Variants in SHISAL1 observed in about 807,000 individuals in gnomAD.
SHISAL1 encodes the protein protein shisa-like-1.
A neutral mutation model predicts 22.6 loss-of-function variants in SHISAL1; 9 were observed. The ratio of observed to expected loss-of-function variants is 0.40; its 90% confidence interval spans 0.24 to 0.70. The LOEUF is 0.70. Among genes scored for constraint, SHISAL1 ranks in the 30% least tolerant of loss-of-function variants. The probability of loss-of-function intolerance (pLI) is 0.39; values close to 1 mark genes in which losing one functional copy is unlikely to be tolerated. For synonymous variants in SHISAL1, 119 were observed against 115.4 expected, an observed-to-expected ratio of 1.03 and a Z score of -0.20; for missense variants, 246 against 270.6, an observed-to-expected ratio of 0.91 and a Z score of 0.64.
At chr22:44,316,747 G>A (rs1458123582), upstream of SHISAL1, among the ~76,000 whole-genome samples, 1 of 152,168 alleles carries the variant, frequency 6.6e-6, no homozygotes, top group Admixed American at 6.5e-5. Context: ...CAGAGGCTGC[G>A]CGCTAACCCA....
chr22:44,319,869 G>C, the SHISAL1 span, among the ~76,000 whole-genome samples: 1 of 152,192 alleles, frequency 6.6e-6, no homozygotes, highest in African/African-American at 2.4e-5. Context: ...TCGTCAGTGT[G>C]GGAGGCCCCT....
chr22:44,285,817 G>C, intron 3 of SHISAL1, 72 bp from the exon 4 acceptor site: 4 of 1,257,234 alleles, frequency 3.2e-6, no homozygotes, highest in Non-Finnish European at 4.6e-6. Context: ...CATCAGTGGG[G>C]CTGATTAGAG....
intron 3 of SHISAL1, among the ~76,000 whole-genome samples, chr22:44,288,325 C>G (rs920817037): frequency 6.6e-6 from 1 of 152,150 alleles, no homozygotes; most frequent in Non-Finnish European, 1.5e-5. Flanking sequence ...TGCGGCCACC[C>G]GGGTTCTCAG....
intron 3 of SHISAL1, among the ~76,000 whole-genome samples, chr22:44,286,776 T>C (rs563171915): frequency 6.6e-6 from 1 of 152,306 alleles, no homozygotes; most frequent in East Asian, 1.9e-4. Context: ...CCAGAGTGGA[T>C]GGTGTCCAGG....
chr22:44,293,117 T>C (rs2055364135), intron 3 of SHISAL1, among the ~76,000 whole-genome samples: 1 of 152,158 alleles, frequency 6.6e-6, no homozygotes, highest in African/African-American at 2.4e-5. Context: ...TGCCCAAAAG[T>C]GCTCTTTCCT....
In SHISAL1 at chr22:44,247,261, C is replaced by CTGAGGTAACAG. The variant is rs2055009137; in HGVS notation, c.*2413_*2423dup. On this transcript the variant is annotated 3_prime_UTR_variant, in exon 5 of 5. Coordinates refer to ENST00000381176, the MANE Select transcript of SHISAL1 (RefSeq NM_001099294.2). ...CTCCTTCCTCTTACCGATGGGGAAA[C>CTGAGGTAACAG]TGAGGTAACAGACCTTGCCTGAGGT... 6.6e-6 allele frequency: 1 copy of CTGAGGTAACAG among 152,242 alleles called. No individual in the cohort carries two copies. The allele number at this position is 152,242 out of a possible 1,614,324, so 9.4% of individuals were successfully genotyped here.
At chr22:44,253,694 G>A (rs868398279) in intron 4 of SHISAL1, among the ~76,000 whole-genome samples, 7 of 150,744 alleles carry the variant, frequency 4.6e-5, no homozygotes, top group Non-Finnish European at 8.8e-5. Flanking sequence ...TGCCCACCTC[G>A]GCCTCCCAAA....
rs188665337 is a variant in SHISAL1 at position 44,306,207 on chromosome 22, C to T, written c.-32-5230G>A. Among the ~76,000 whole-genome samples the T allele has an allele frequency of 1.4e-4, 22 of 152,342 alleles. No individual in the cohort carries two copies. The East Asian group carries it at 2.9e-3, about 20-fold the overall frequency. On this transcript the variant is annotated intron_variant, in intron 1 of 4. Coordinates refer to ENST00000381176, the MANE Select transcript of SHISAL1 (RefSeq NM_001099294.2). ...GCACTGATGTTCACAAGGCCAAAGTCATCACCTTGGGTCCCTCCGTGGGAT... is the reference window on the plus strand; with the variant it reads ...GCACTGATGTTCACAAGGCCAAAGTTATCACCTTGGGTCCCTCCGTGGGAT...
intron 4 of SHISAL1, among the ~76,000 whole-genome samples, chr22:44,252,925 G>A (rs2055058467): frequency 6.6e-6 from 1 of 152,082 alleles, no homozygotes; most frequent in Middle Eastern, 3.4e-3. Flanking sequence ...AACCCCGGGA[G>A]GCAGAGGTTG....
chr22:44,323,787 C>G, the SHISAL1 span, among the ~76,000 whole-genome samples: 1 of 152,268 alleles, frequency 6.6e-6, no homozygotes, highest in Non-Finnish European at 1.5e-5. Flanking sequence ...CTCCACCCTT[C>G]CAGGATAGAG....
At chr22:44,287,770 C>G (rs1224748324) in intron 3 of SHISAL1, among the ~76,000 whole-genome samples, 1 of 152,146 alleles carries the variant, frequency 6.6e-6, no homozygotes, top group East Asian at 1.9e-4. Context: ...GGGCAGGTGT[C>G]CCCGGGGTAG....
At chr22:44,254,545 A>C (rs924659546) in intron 4 of SHISAL1, among the ~76,000 whole-genome samples, 1 of 152,134 alleles carries the variant, frequency 6.6e-6, no homozygotes, top group Non-Finnish European at 1.5e-5. Flanking sequence ...AAATTTTTGC[A>C]GGGATGGGGT....
At chr22:44,255,887 G>A (rs2055080932) in intron 4 of SHISAL1, among the ~76,000 whole-genome samples, 2 of 152,146 alleles carry the variant, frequency 1.3e-5, no homozygotes, top group South Asian at 4.1e-4. Flanking sequence ...CTGATATTTG[G>A]TGAGACATTT....
the SHISAL1 span, among the ~76,000 whole-genome samples, chr22:44,318,887 T>G: frequency 2.6e-5 from 4 of 152,164 alleles, no homozygotes; most frequent in African/African-American, 4.8e-5. Flanking sequence ...GTGGCAGACT[T>G]GGGACTGGCA....
At chr22:44,280,039 G>A (rs2055265393) in intron 4 of SHISAL1, among the ~76,000 whole-genome samples, 4 of 152,124 alleles carry the variant, frequency 2.6e-5, no homozygotes, top group Non-Finnish European at 5.9e-5. Flanking sequence ...GGGAGGGCTG[G>A]GGCTAGGCAG....
chr22:44,268,000 G>C (rs112284536), intron 4 of SHISAL1, among the ~76,000 whole-genome samples: 5,436 of 152,314 alleles, frequency 0.036, 302 homozygotes, highest in African/African-American at 0.12. Context: ...CCTGGCTTTG[G>C]GAGTGGGGTC....
intron 1 of SHISAL1, among the ~76,000 whole-genome samples, chr22:44,303,828 C>T (rs1224203988): frequency 1.3e-5 from 2 of 152,098 alleles, no homozygotes; most frequent in Non-Finnish European, 2.9e-5. Flanking sequence ...GGGTGGGAGA[C>T]CCTGAGGACC....
At chr22:44,315,195 A>G (rs1416598538), upstream of SHISAL1, among the ~76,000 whole-genome samples, 4 of 152,212 alleles carry the variant, frequency 2.6e-5, no homozygotes, top group African/African-American at 9.6e-5. Flanking sequence ...AGGCAGAGAC[A>G]TGGGCCTGAC....
chr22:44,299,791 G>A (rs991613568), intron 2 of SHISAL1, among the ~76,000 whole-genome samples: 1 of 151,978 alleles, frequency 6.6e-6, no homozygotes, highest in African/African-American at 2.4e-5. Flanking sequence ...CAAAGACAGA[G>A]ATAGAAAAAG....
Sources: gnomAD v4.1 joint callset for allele counts (sites outside exome capture counted in the v4.1 genomes callset) on GRCh38, gnomAD v4.1.1 for gene constraint, MANE v1.5 for transcripts, NCBI Gene and HGNC (gene_info 2026-07-23, HGNC 2026-07-21) for gene names.